Variants in TRIOBP observed in about 807,000 individuals in gnomAD.
TRIOBP encodes TRIO and F-actin-binding protein.
A neutral mutation model predicts 238.8 loss-of-function variants in TRIOBP; 169 were observed. That is an observed-to-expected ratio of 0.71 (90% confidence interval 0.62 to 0.80). TRIOBP has a LOEUF of 0.80. Ranked by LOEUF, TRIOBP falls within the 30% of genes least tolerant of loss-of-function variation. The pLI, the probability that TRIOBP is intolerant of heterozygous loss-of-function variation, is 0.00. For missense variants in TRIOBP, 2,838 were observed against 3,122.6 expected (o/e 0.91, Z 2.17); for synonymous variants, 1,150 against 1,274.4 (o/e 0.90, Z 2.08).
chr22:37,761,010 A>G (rs1239206137), intron 17 of TRIOBP, among the ~76,000 whole-genome samples: 1 of 151,510 alleles, frequency 6.6e-6, no homozygotes, highest in East Asian at 1.9e-4. Context: ...GAAGGCTGAG[A>G]TCTAGGCCCT....
At chr22:37,754,629 G>C (rs559667092) in intron 12 of TRIOBP, among the ~76,000 whole-genome samples, 1 of 152,112 alleles carries the variant, frequency 6.6e-6, no homozygotes, top group Admixed American at 6.5e-5. Flanking sequence ...GGTCCGGGGT[G>C]CCTGAGGAGC....
chr22:37,730,609 C>T (rs1022356021), intron 7 of TRIOBP, among the ~76,000 whole-genome samples: 11 of 152,228 alleles, frequency 7.2e-5, no homozygotes, highest in African/African-American at 2.6e-4. Flanking sequence ...CTAAGGCCTT[C>T]AGCTCTCACA....
In TRIOBP at chr22:37,725,234, G is replaced by T; in HGVS notation, c.2678G>T (p.Arg893Met). The change falls in exon 7 of 24, where the codon AGG (arginine) becomes ATG (methionine). Residue 893 changes from arginine (R) to methionine (M), a missense_variant. Coordinates refer to ENST00000644935, the MANE Select transcript of TRIOBP (RefSeq NM_001039141.3). ...CGCTCCACTCAATGGAACAATCCCAGGAATTCATCTCCCCATCGTACTAAC... is the reference window on the plus strand; with the variant it reads ...CGCTCCACTCAATGGAACAATCCCATGAATTCATCTCCCCATCGTACTAAC... ...PHRSTQWNNP[R>M]NSSPHRTNKD... 6.2e-7 allele frequency: 1 copy of T among 1,613,988 alleles called. No individual in the cohort carries two copies. Among genetic ancestry groups the T allele is most frequent in the Non-Finnish European group, 8.5e-7 (1 of 1,180,000 alleles).
chr22:37,724,867 T>C lies in TRIOBP; in HGVS notation c.2311T>C (p.Ser771Pro). The change falls in exon 7 of 24, where the codon TCC becomes CCC. Residue 771 changes from serine (S) to proline (P), a missense_variant. Physicochemically the swap from Ser to Pro is moderately conservative, Grantham distance 74. Transcript: ENST00000644935. ...CATCCAACAAGAGAACCTCAGAACA[T>C]CCTGTACCCGACAGGACAATCCCAG... ...RTIQQENLRT[S>P]CTRQDNPRTS... 6.2e-7 allele frequency: 1 copy of C among 1,612,200 alleles called. No homozygotes were observed. Among genetic ancestry groups the C allele is most frequent in the African/African-American group, 1.3e-5 (1 of 74,182 alleles).
At chr22:37,701,162 A>C in intron 2 of TRIOBP, 144 bp from the exon 3 acceptor site, 1 of 557,882 alleles carries the variant, frequency 1.8e-6, no homozygotes, top group Non-Finnish European at 3.3e-6. Context: ...ATGAACAGGA[A>C]TGGATGGAGA....
Position 37,738,651 on chromosome 22 carries a change from G to A in TRIOBP, c.5116G>A (p.Glu1706Lys). 1 of 1,613,964 alleles carries A rather than the reference G, an allele frequency of 6.2e-7. No homozygotes were observed. Among genetic ancestry groups the A allele is most frequent in the Non-Finnish European group, 8.5e-7 (1 of 1,179,966 alleles). Residue 1706 changes from glutamate (E) to lysine (K), a missense_variant, in exon 10 of 24, where the codon GAG becomes AAG. Coordinates refer to ENST00000644935, the MANE Select transcript of TRIOBP (RefSeq NM_001039141.3). ...TTTTTTTAATCTCCAGTTCCAACCA[G>A]AGGAGCCTGAGGAGTCAGAACCAAG... ...PSLPELQFQPEEPEESEPSRG... is the reference protein window; with the variant it reads ...PSLPELQFQPKEPEESEPSRG...
rs976291137 is a variant in TRIOBP at position 37,709,624 on chromosome 22, C to T, written c.115-803C>T. 2.0e-5 allele frequency among the ~76,000 whole-genome samples: 3 copies of T among 152,194 alleles called. 1 individual carries two copies. The highest frequency in any genetic ancestry group is 4.1e-4 in the South Asian group (2 of 4,832). On this transcript the variant is annotated intron_variant, in intron 3 of 23. Transcript: ENST00000644935. Reference sequence around the variant, plus strand: ...GAGGCGGGGCGCAGGGTGCCATGGCCGCTGTCTCCCACCACCAGGGGAGGG... The same window carrying T: ...GAGGCGGGGCGCAGGGTGCCATGGCTGCTGTCTCCCACCACCAGGGGAGGG...
chr22:37,749,372 GAGCCGTCCCTGGAACTGTTAAGCA>G (rs1925456450), intron 11 of TRIOBP, among the ~76,000 whole-genome samples: 1 of 152,002 alleles, frequency 6.6e-6, no homozygotes. Context: ...AAGCCACCTG[GAGCCGTCCCTGGAACTGTTAAGCA>G]AGCCTGGGAT....
chr22:37,730,383 C>T (rs1367161524), intron 7 of TRIOBP, among the ~76,000 whole-genome samples: 3 of 152,094 alleles, frequency 2.0e-5, no homozygotes, highest in African/African-American at 2.4e-5. Flanking sequence ...AAAAGGAAGG[C>T]GAGTTCTCAG....
chr22:37,734,301 T>C (rs1924554579), intron 8 of TRIOBP, 98 bp from the exon 9 acceptor site: 7 of 1,176,772 alleles, frequency 5.9e-6, no homozygotes, highest in Non-Finnish European at 7.5e-6. Flanking sequence ...GGCTGCTGTG[T>C]GGACACAGCC....
At chr22:37,735,511 A>C in intron 9 of TRIOBP, 69 bp downstream of exon 9, 1 of 1,522,588 alleles carries the variant, frequency 6.6e-7, no homozygotes. Flanking sequence ...CTCCTTGGAA[A>C]AGCCTCCCCT....
rs146280215 is a variant in TRIOBP at position 37,773,167 on chromosome 22, A to G, written c.*2+403A>G. On this transcript the variant is annotated intron_variant, in intron 23 of 23. Coordinates refer to ENST00000644935, the MANE Select transcript of TRIOBP (RefSeq NM_001039141.3). ...TCTTAACACTCCTTCTTGACTTAGC[A>G]GGGCTCAAAGTGGTTGGTTGGTTGG... 7.8e-3 allele frequency among the ~76,000 whole-genome samples: 1,183 copies of G among 150,922 alleles called. 14 individuals carry two copies. Among genetic ancestry groups the G allele is most frequent in the African/African-American group, 0.027 (1,116 of 41,194 alleles).
intron 5 of TRIOBP, among the ~76,000 whole-genome samples, chr22:37,715,194 T>C (rs979858715): frequency 5.3e-5 from 8 of 152,054 alleles, no homozygotes; most frequent in Non-Finnish European, 1.2e-4. Context: ...TTTGTATTTT[T>C]AATAGAGACA....
rs751982711 is a variant in TRIOBP, at chr22:37,723,848, C to T, written c.1292C>T (p.Ser431Phe). ...GCCACACGAGACAACCCCAGAACAT[C>T]CTGCGCCCAGCGGGACAATCCCAGA... Reference protein sequence around the residue: ...NRATRDNPRTSCAQRDNPRAS... With the variant: ...NRATRDNPRTFCAQRDNPRAS... The change falls in exon 7 of 24, where the codon TCC becomes TTC. Residue 431 changes from serine (S) to phenylalanine (F), a missense_variant. Ser to Phe is a radical substitution (Grantham distance 155). Transcript: ENST00000644935. 8 of 1,596,078 alleles carry T rather than the reference C, an allele frequency of 5.0e-6. No homozygotes were observed. The highest frequency in any genetic ancestry group is 6.8e-6 in the Non-Finnish European group (8 of 1,168,206).
chr22:37,758,683 A>G (rs4821706), intron 16 of TRIOBP, among the ~76,000 whole-genome samples: 36,801 of 127,460 alleles, frequency 0.29, 5,301 homozygotes, highest in South Asian at 0.43. Flanking sequence ...GTCTCAGATT[A>G]AAAAAAAAAA....
Position 37,725,194 on chromosome 22 carries a change from C to A in TRIOBP, c.2638C>A (p.Pro880Thr). ...QCCTQKENLR[P>T]SSPHRSTQWN... ...CTGCACCCAAAAGGAGAATCTGAGA[C>A]CATCATCTCCCCACCGCTCCACTCA... The change falls in exon 7 of 24, where the codon CCA (proline) becomes ACA (threonine). Residue 880 changes from proline to threonine, a missense_variant. Pro to Thr is a conservative substitution (Grantham distance 38, BLOSUM62 -1). Around this residue, in one of 5 missense-constraint regions of TRIOBP, gnomAD observed 2,096 missense variants for 2,137.4 expected, o/e 0.98. Transcript: ENST00000644935. The A allele has an allele frequency of 6.2e-7, 1 of 1,614,090 alleles. No homozygotes were observed. Among genetic ancestry groups the A allele is most frequent in the Non-Finnish European group, 8.5e-7 (1 of 1,179,990 alleles).
rs1438592859 is a variant in TRIOBP at position 37,765,672 on chromosome 22, G to A, written c.6327G>A (p.Glu2109=). 1.3e-6 allele frequency: 2 copies of A among 1,550,158 alleles called. No individual in the cohort carries two copies. The highest frequency in any genetic ancestry group is 2.0e-5 in the Admixed American group (1 of 51,030). The change falls in exon 18 of 24, where the codon GAG becomes GAA. Residue 2109 remains glutamate (E), a splice_region_variant and synonymous_variant. Transcript: ENST00000644935. ...GHIPPGYISQ[E]ACERSLAEME... ...ACACCCTGGCGTCCGGCCCACAGGA[G>A]GCATGTGAGCGCAGCCTGGCAGAGA...
In TRIOBP at chr22:37,735,146, G is replaced by A. The variant is rs1924609511; in HGVS notation, c.4810G>A (p.Asp1604Asn). Residue 1604 changes from aspartate to asparagine, a missense_variant, in exon 9 of 24, where the codon GAC becomes AAC. By Grantham distance (23) the Asp-to-Asn change is conservative. Around this residue, in one of 5 missense-constraint regions of TRIOBP, gnomAD observed 2,096 missense variants for 2,137.4 expected, o/e 0.98. Coordinates refer to ENST00000644935, the MANE Select transcript of TRIOBP (RefSeq NM_001039141.3). ...PRKDPAGHRD[D>N]LARALGPELG... ...CAAGGACCCAGCTGGACACAGGGAT[G>A]ACCTGGCCAGGGCTTTAGGGCCAGA... is the stretch of plus-strand genomic sequence containing the variant. 8 of 1,610,498 alleles carry A rather than the reference G, an allele frequency of 5.0e-6. No individual in the cohort carries two copies. The highest frequency in any genetic ancestry group is 6.8e-6 in the Non-Finnish European group (8 of 1,177,860).
At position 37,725,518 on chromosome 22, in the gene TRIOBP, A is replaced by G. The variant is rs765253639; in HGVS notation, c.2962A>G (p.Thr988Ala). The G allele has an allele frequency of 2.5e-6, 4 of 1,612,406 alleles. No homozygotes were observed. The South Asian group carries it at 3.3e-5, about 13-fold the overall frequency. Reference sequence around the variant, plus strand: ...CTCCCATAACCCAGGCCACCAGAGCACCTCCCGAACTTCCTCACCTGTGTA... The same window carrying G: ...CTCCCATAACCCAGGCCACCAGAGCGCCTCCCGAACTTCCTCACCTGTGTA... ...SSSHNPGHQS[T>A]SRTSSPVYPA... The change falls in exon 7 of 24, where the codon ACC (threonine) becomes GCC (alanine). Residue 988 changes from threonine (T) to alanine (A), a missense_variant. Physicochemically the swap from Thr to Ala is moderately conservative, Grantham distance 58. Transcript: ENST00000644935.
Sources: gnomAD v4.1 joint callset for allele counts (sites outside exome capture counted in the v4.1 genomes callset) on GRCh38, gnomAD v4.1.1 for gene constraint, gnomAD v4.1.1 regional missense constraint, MANE v1.5 for transcripts, NCBI Gene and HGNC (gene_info 2026-07-23, HGNC 2026-07-21) for gene names.